The following SRBD1 variants were observed in gnomAD, a reference collection of about 807,000 sequenced individuals.
SRBD1 encodes the protein S1 RNA binding domain 1.
SRBD1 carries 88 observed loss-of-function variants against 115.3 expected under a neutral mutation model. That is an observed-to-expected ratio of 0.76 (90% CI 0.64 to 0.91). SRBD1 has a LOEUF of 0.91. Among genes scored for constraint, SRBD1 ranks in the 40% least tolerant of loss-of-function variants. The pLI, the probability that SRBD1 is intolerant of heterozygous loss-of-function variation, is 0.00. For synonymous variants in SRBD1, 509 were observed against 407.7 expected (o/e 1.25, Z -2.99); for missense variants, 1,385 against 1,177.4 (o/e 1.18, Z -2.58).
chr2:45,584,408 A>T (rs940286008), intron 5 of SRBD1, among the ~76,000 whole-genome samples: 11 of 152,202 alleles, frequency 7.2e-5, no homozygotes, highest in Non-Finnish European at 1.3e-4. Flanking sequence ...TGGCAAATTG[A>T]TTCTGCCTCT....
intron 5 of SRBD1, among the ~76,000 whole-genome samples, chr2:45,584,433 T>C (rs186285874): frequency 6.6e-6 from 1 of 152,328 alleles, no homozygotes; most frequent in East Asian, 1.9e-4. Flanking sequence ...GAAGTATAAC[T>C]TTCCACATAT....
At chr2:45,582,718 C>T (rs538684968) in intron 5 of SRBD1, among the ~76,000 whole-genome samples, 12 of 152,212 alleles carry the variant, frequency 7.9e-5, no homozygotes, top group East Asian at 1.9e-4. Flanking sequence ...TGTCATTCTG[C>T]GAGCACTTCC....
intron 19 of SRBD1, among the ~76,000 whole-genome samples, chr2:45,395,850 A>AG (rs2103820412): frequency 6.6e-6 from 1 of 152,332 alleles, no homozygotes; most frequent in Admixed American, 6.5e-5. Context: ...AAATATCCTA[A>AG]GAAAAATTTA....
chr2:45,430,004 G>A (rs1333162641), intron 16 of SRBD1, among the ~76,000 whole-genome samples: 1 of 151,768 alleles, frequency 6.6e-6, no homozygotes, highest in Non-Finnish European at 1.5e-5. Flanking sequence ...ATAATAGACA[G>A]AGAGCCAAAT....
chr2:45,488,101 CTT>C, intron 15 of SRBD1, 137 bp downstream of exon 15: 1 of 696,244 alleles, frequency 1.4e-6, no homozygotes, highest in Non-Finnish European at 2.4e-6. Flanking sequence ...CAATTAACCA[CTT>C]TCTTTCTAAT....
intron 2 of SRBD1, among the ~76,000 whole-genome samples, chr2:45,604,828 T>C (rs1404200039): frequency 6.6e-6 from 1 of 152,216 alleles, no homozygotes; most frequent in African/African-American, 2.4e-5. Flanking sequence ...CTATAAATAT[T>C]ACCAGTCATT....
intron 16 of SRBD1, among the ~76,000 whole-genome samples, chr2:45,438,461 T>TAAAAA (rs1265760958): frequency 1.3e-5 from 2 of 152,132 alleles, no homozygotes; most frequent in African/African-American, 2.4e-5. Context: ...ACAAGAACTT[T>TAAAAA]AAAGTGGCTC....
chr2:45,554,657 C>T, intron 10 of SRBD1, among the ~76,000 whole-genome samples: 1 of 152,096 alleles, frequency 6.6e-6, no homozygotes, highest in East Asian at 1.9e-4. Flanking sequence ...ACAAATGTAG[C>T]CTCACTGAAA....
chr2:45,595,280 G>C (rs77287146), intron 4 of SRBD1, among the ~76,000 whole-genome samples: 2 of 152,214 alleles, frequency 1.3e-5, no homozygotes, highest in East Asian at 1.9e-4. Flanking sequence ...GAAAAAAACA[G>C]AGGACCAAGT....
At chr2:45,548,076 CA>C (rs1672179104) in intron 12 of SRBD1, among the ~76,000 whole-genome samples, 1 of 150,832 alleles carries the variant, frequency 6.6e-6, no homozygotes, top group South Asian at 2.1e-4. Context: ...ATATTTATAA[CA>C]ATTAAATTTA....
chr2:45,499,772 T>C (rs1670570310), intron 14 of SRBD1, among the ~76,000 whole-genome samples: 1 of 152,144 alleles, frequency 6.6e-6, no homozygotes, highest in Non-Finnish European at 1.5e-5. Flanking sequence ...CCAGTGTGTG[T>C]TCTTGGCACC....
At chr2:45,457,844 G>A (rs1343459012) in intron 16 of SRBD1, among the ~76,000 whole-genome samples, 2 of 151,932 alleles carry the variant, frequency 1.3e-5, no homozygotes, top group Non-Finnish European at 2.9e-5. Flanking sequence ...AGAAAAAAAT[G>A]TAGGTGTAAA....
At chr2:45,399,510 A>G (rs1044125553) in intron 19 of SRBD1, among the ~76,000 whole-genome samples, 2 of 152,156 alleles carry the variant, frequency 1.3e-5, no homozygotes, top group Admixed American at 1.3e-4. Context: ...CTGATAAGAA[A>G]ACAAAATCTC....
intron 9 of SRBD1, among the ~76,000 whole-genome samples, chr2:45,570,818 C>T (rs756639073): frequency 2.2e-4 from 34 of 152,062 alleles, no homozygotes; most frequent in Non-Finnish European, 1.9e-4. Context: ...TGGTGTGTCC[C>T]TGAGGAACTG....
chr2:45,462,211 A>C lies in SRBD1; in HGVS notation c.2049+14782T>G, dbSNP rs1669338427. ...GTTGAAAGTGCTGTTCACATAATAA[A>C]TTAACCACCTCATTTCCTTCATCAC... On this transcript the variant is annotated intron_variant, in intron 16 of 20. Transcript: ENST00000263736. Among the ~76,000 whole-genome samples, 3 of 152,202 alleles carry C rather than the reference A, an allele frequency of 2.0e-5. No individual in the cohort carries two copies. In the South Asian group the frequency reaches 6.2e-4, roughly 32 times the overall value.
intron 1 of SRBD1, among the ~76,000 whole-genome samples, chr2:45,606,309 G>A (rs754575961): frequency 2.0e-5 from 3 of 151,980 alleles, no homozygotes; most frequent in Non-Finnish European, 2.9e-5. Flanking sequence ...ACAGGCATGC[G>A]CCAACACACC....
intron 4 of SRBD1, among the ~76,000 whole-genome samples, chr2:45,587,064 T>C (rs1318529132): frequency 1.4e-5 from 2 of 139,834 alleles, no homozygotes; most frequent in Non-Finnish European, 3.0e-5. Context: ...TATTTTAAAT[T>C]ATAAATATTA....
intron 16 of SRBD1, among the ~76,000 whole-genome samples, chr2:45,459,881 T>A (rs1233557120): frequency 6.6e-6 from 1 of 152,104 alleles, no homozygotes; most frequent in African/African-American, 2.4e-5. Context: ...TGAAAATGTT[T>A]CTGAAATTTT....
At chr2:45,393,783 T>A (rs1667071682) in intron 19 of SRBD1, among the ~76,000 whole-genome samples, 1 of 152,226 alleles carries the variant, frequency 6.6e-6, no homozygotes, top group South Asian at 2.1e-4. Flanking sequence ...AACATTTTAT[T>A]TAAATTAGCT....
Sources: allele counts gnomAD v4.1 joint callset (sites outside exome capture counted in the v4.1 genomes callset), GRCh38; gene constraint gnomAD v4.1.1; transcripts MANE v1.5; gene names NCBI Gene and HGNC (gene_info 2026-07-23, HGNC 2026-07-21).